IGF2BP1: variants seen among roughly 807,000 people sequenced by gnomAD.
IGF2BP1 encodes the protein insulin like growth factor 2 mRNA binding protein 1.
Under a neutral mutation model 74.9 loss-of-function variants are expected in IGF2BP1, and 11 were observed. The ratio of observed to expected loss-of-function variants is 0.15; its 90% confidence interval spans 0.09 to 0.24. The LOEUF (loss-of-function observed/expected upper bound fraction) is 0.24, where lower values mean the gene tolerates loss of function less well. IGF2BP1 is among the 10% of genes least tolerant of loss of function. IGF2BP1 has a pLI of 1.00. For synonymous variants in IGF2BP1, 287 were observed against 281.8 expected, an observed-to-expected ratio of 1.02 and a Z score of -0.18; for missense variants, 440 against 757.4, an observed-to-expected ratio of 0.58 and a Z score of 4.92.
At chr17:49,039,083 G>C (rs2042020359) in intron 6 of IGF2BP1, among the ~76,000 whole-genome samples, 1 of 151,822 alleles carries the variant, frequency 6.6e-6, no homozygotes, top group Non-Finnish European at 1.5e-5. Context: ...TCACCATGTT[G>C]ATCAGGCTGG....
intron 2 of IGF2BP1, among the ~76,000 whole-genome samples, chr17:49,015,122 G>A (rs954688044): frequency 2.0e-5 from 3 of 152,120 alleles, no homozygotes; most frequent in Admixed American, 1.3e-4. Flanking sequence ...ACAGGCGTGT[G>A]CCACAACACC....
intron 14 of IGF2BP1, among the ~76,000 whole-genome samples, chr17:49,047,317 C>T (rs988829416): frequency 2.6e-5 from 4 of 151,876 alleles, no homozygotes; most frequent in African/African-American, 9.7e-5. Context: ...GCTTTAGTTA[C>T]ATCTCAACTA....
intron 2 of IGF2BP1, among the ~76,000 whole-genome samples, chr17:49,001,229 G>A (rs561720432): frequency 3.9e-5 from 6 of 152,208 alleles, no homozygotes; most frequent in South Asian, 2.1e-4. Context: ...AAAGTATTTC[G>A]TCAGTTAGGT....
At chr17:49,007,349 G>A (rs9674544) in intron 2 of IGF2BP1, among the ~76,000 whole-genome samples, 86,751 of 152,042 alleles carry the variant, frequency 0.57, 26,270 homozygotes, top group African/African-American at 0.77. Flanking sequence ...CCAGTTCCCA[G>A]AGATGCACTC....
At chr17:49,014,862 T>G in intron 2 of IGF2BP1, 1 of 985,390 alleles carries the variant, frequency 1.0e-6, no homozygotes, top group Non-Finnish European at 1.2e-6. Context: ...GACAGATTGC[T>G]TTGGAGGCTG....
At chr17:49,046,772 C>T (rs55931949) in intron 14 of IGF2BP1, among the ~76,000 whole-genome samples, 3,967 of 151,794 alleles carry the variant, frequency 0.026, 168 homozygotes, top group African/African-American at 0.091. Flanking sequence ...GTACTAACAC[C>T]CTGGATTGAT....
chr17:49,027,861 A>G (rs1274206271), intron 4 of IGF2BP1, among the ~76,000 whole-genome samples: 1 of 146,596 alleles, frequency 6.8e-6, no homozygotes, highest in Non-Finnish European at 1.5e-5. Flanking sequence ...CAGAAAAAAA[A>G]AAAAAAAAAA....
At chr17:49,014,854 CAG>C (rs1398016733) in intron 2 of IGF2BP1, 3 of 985,242 alleles carry the variant, frequency 3.0e-6, no homozygotes, top group African/African-American at 3.5e-5. Flanking sequence ...CTGCCGAAGA[CAG>C]ATTGCTTTGG....
In IGF2BP1 at chr17:48,997,688, G is replaced by A; in HGVS notation, c.-58G>A. On this transcript the variant is annotated 5_prime_UTR_variant, in exon 1 of 15. Coordinates refer to ENST00000290341, the MANE Select transcript of IGF2BP1 (RefSeq NM_006546.4). The surrounding 1 kb of genome is among the most constrained non-coding windows in gnomAD (Gnocchi z 4.8). ...CGCCTCTTGGCCTAGGAGGCTCGCC[G>A]CCCGCGCCCGCTCGTTCGGCCTTGC... 1.3e-6 allele frequency: 2 copies of A among 1,570,508 alleles called. No homozygotes were observed. Among genetic ancestry groups the A allele is most frequent in the Admixed American group, 1.8e-5 (1 of 56,190 alleles).
At position 48,997,658 on chromosome 17, in the gene IGF2BP1, C is replaced by A; in HGVS notation, c.-88C>A. 1 of 1,411,260 alleles carries A rather than the reference C, an allele frequency of 7.1e-7. No individual in the cohort carries two copies. The highest frequency in any genetic ancestry group is 9.7e-7 in the Non-Finnish European group (1 of 1,031,874). 87.4% of individuals were successfully genotyped at this position (1,411,260 alleles called of 1,614,324 possible). Reference sequence around the variant, plus strand: ...AAAGTTTGCGGCTCCTGCCGCCGGCCTCTCCGCCTCTTGGCCTAGGAGGCT... The same window carrying A: ...AAAGTTTGCGGCTCCTGCCGCCGGCATCTCCGCCTCTTGGCCTAGGAGGCT... On this transcript the variant is annotated 5_prime_UTR_variant, in exon 1 of 15. Transcript: ENST00000290341. This position sits in a 1 kb window ranked among gnomAD's most constrained non-coding sequence, Gnocchi z 4.8.
intron 2 of IGF2BP1, among the ~76,000 whole-genome samples, chr17:49,010,462 C>T (rs925808120): frequency 4.6e-5 from 7 of 151,768 alleles, no homozygotes; most frequent in Admixed American, 1.3e-4. Flanking sequence ...GGACTACAGG[C>T]GCCCGCCACC....
In IGF2BP1 at chr17:49,051,960, G is replaced by A. The variant is rs2042172426; in HGVS notation, c.*2516G>A. 6.6e-6 allele frequency: 1 copy of A among 151,966 alleles called. No homozygotes were observed. Among genetic ancestry groups the A allele is most frequent in the African/African-American group, 2.4e-5 (1 of 41,310 alleles). The allele number at this position is 151,966 out of a possible 1,614,324, so 9.4% of individuals were successfully genotyped here. ...CACCTCTGTCTCCCTGTCTTCTTTA[G>A]ATCGGTCTGATTGATTTTAAAAGTG... On this transcript the variant is annotated 3_prime_UTR_variant, in exon 15 of 15. Coordinates refer to ENST00000290341, the MANE Select transcript of IGF2BP1 (RefSeq NM_006546.4).
chr17:49,031,502 T>A (rs181989498), intron 4 of IGF2BP1, among the ~76,000 whole-genome samples: 22 of 141,360 alleles, frequency 1.6e-4, no homozygotes, highest in African/African-American at 5.9e-4. Flanking sequence ...TTCTTTCTTC[T>A]TTTTTTTTTT....
intron 4 of IGF2BP1, 119 bp from the exon 5 acceptor site, chr17:49,031,791 C>T (rs2041924059): frequency 1.1e-6 from 1 of 890,168 alleles, no homozygotes; most frequent in Non-Finnish European, 1.8e-6. Flanking sequence ...TTGTGATCTA[C>T]CGTGTCTGGC....
intron 4 of IGF2BP1, among the ~76,000 whole-genome samples, chr17:49,029,113 T>C (rs1339181933): frequency 1.3e-5 from 2 of 152,196 alleles, no homozygotes; most frequent in African/African-American, 4.8e-5. Flanking sequence ...CCTCATCTGA[T>C]TTATATTTTT....
At chr17:49,038,698 G>C (rs548156187) in intron 6 of IGF2BP1, among the ~76,000 whole-genome samples, 1 of 152,162 alleles carries the variant, frequency 6.6e-6, no homozygotes, top group South Asian at 2.1e-4. Flanking sequence ...AATTTCTCAT[G>C]TGAAGTTTCA....
Position 49,039,981 on chromosome 17 carries a change from C to T in IGF2BP1, c.708C>T (p.Asn236=), listed in dbSNP as rs74548664. The change falls in exon 7 of 15, where the codon AAC becomes AAT. Residue 236 remains asparagine, a synonymous_variant. Transcript: ENST00000290341. ...QSKIDVHRKE[N]AGAAEKAISV... Reference sequence around the variant, plus strand: ...GGATAGACGTGCATAGGAAGGAGAACGCAGGTGCAGCTGAAAAAGCCATCA... The same window carrying T: ...GGATAGACGTGCATAGGAAGGAGAATGCAGGTGCAGCTGAAAAAGCCATCA... 3.3e-3 allele frequency: 5,351 copies of T among 1,612,932 alleles called. 161 individuals carry two copies. In the African/African-American group the frequency reaches 0.064, roughly 19 times the overall value.
At chr17:49,023,707 TCAG>T (rs1281031772) in intron 2 of IGF2BP1, among the ~76,000 whole-genome samples, 1 of 152,230 alleles carries the variant, frequency 6.6e-6, no homozygotes, top group Non-Finnish European at 1.5e-5. Context: ...GCTTTCTAGT[TCAG>T]TTTTCCTTCA....
rs896050841 is a variant in IGF2BP1 at position 49,031,897 on chromosome 17, C to G, written c.338-13C>G. On this transcript the variant is annotated splice_polypyrimidine_tract_variant and intron_variant, in intron 4 of 14. Transcript: ENST00000290341. ...TTTCCCTGCTCTGAGGTTATCCTCT[C>G]TTTTCTCTGCAGTGAACACCGAGAG... 4.3e-6 allele frequency: 7 copies of G among 1,612,486 alleles called. No homozygotes were observed. The highest frequency in any genetic ancestry group is 2.7e-5 in the African/African-American group (2 of 74,702).
Sources: gnomAD v4.1 joint callset for allele counts (sites outside exome capture counted in the v4.1 genomes callset) on GRCh38, gnomAD v4.1.1 for gene constraint, Gnocchi (gnomAD v3.1) non-coding constraint, MANE v1.5 for transcripts, NCBI Gene and HGNC (gene_info 2026-07-23, HGNC 2026-07-21) for gene names.